The following ELAVL4 variants were observed in gnomAD, a reference collection of about 807,000 sequenced individuals.
The protein encoded by ELAVL4 is ELAV like RNA binding protein 4.
Under a neutral mutation model 35.6 loss-of-function variants are expected in ELAVL4, and 1 was observed. That is an observed-to-expected ratio of 0.03 (90% CI 0.01 to 0.13). The LOEUF (loss-of-function observed/expected upper bound fraction) is 0.13. Among genes scored for constraint, ELAVL4 ranks in the 10% least tolerant of loss-of-function variants. ELAVL4 has a pLI of 1.00. For synonymous variants in ELAVL4, 156 were observed against 171.0 expected (o/e 0.91, Z 0.69); for missense variants, 267 against 464.9 (o/e 0.57, Z 3.91).
At chr1:50,095,570 A>G (rs1665687230) in intron 1 of ELAVL4, among the ~76,000 whole-genome samples, 1 of 152,182 alleles carries the variant, frequency 6.6e-6, no homozygotes, top group Non-Finnish European at 1.5e-5. Context: ...ACACACACAT[A>G]CAGCCACACA....
intron 2 of ELAVL4, among the ~76,000 whole-genome samples, chr1:50,157,995 T>C (rs1445534997): frequency 6.6e-6 from 1 of 152,212 alleles, no homozygotes. Context: ...CAGGATAGTC[T>C]AGTGATTAAG....
intron 3 of ELAVL4, chr1:50,179,841 ACAGC>A: frequency 6.6e-6 from 1 of 152,320 alleles, no homozygotes; most frequent in Non-Finnish European, 1.5e-5. Context: ...TTAATGATTA[ACAGC>A]TGGATTCAGG....
At chr1:50,067,270 A>G (rs1171670433) in intron 1 of ELAVL4, among the ~76,000 whole-genome samples, 1 of 152,204 alleles carries the variant, frequency 6.6e-6, no homozygotes, top group Admixed American at 6.5e-5. Flanking sequence ...CCTTGTCACC[A>G]ATCAAATATG....
At chr1:50,198,613 T>G (rs1644207755) in intron 6 of ELAVL4, among the ~76,000 whole-genome samples, 1 of 152,240 alleles carries the variant, frequency 6.6e-6, no homozygotes, top group Admixed American at 6.5e-5. Context: ...ACTGTTTGCC[T>G]GTTCCCAGGG....
chr1:50,095,952 T>C (rs879635026), intron 1 of ELAVL4, among the ~76,000 whole-genome samples: 7 of 152,152 alleles, frequency 4.6e-5, no homozygotes, highest in Non-Finnish European at 1.0e-4. Context: ...CACTTGAACA[T>C]TTCTAAGAGG....
intron 1 of ELAVL4, among the ~76,000 whole-genome samples, chr1:50,119,034 G>A (rs867373804): frequency 1.4e-3 from 125 of 87,618 alleles, no homozygotes; most frequent in Middle Eastern, 6.0e-3. Context: ...AAGAAAGAAA[G>A]AAAAAGAAAG....
Position 50,145,185 on chromosome 1 carries a change from G to C in ELAVL4, c.238G>C (p.Asp80His). The change falls in exon 2 of 7, where the codon GAC (aspartate) becomes CAC (histidine). Residue 80 changes from aspartate to histidine, a missense_variant. Asp to His is a moderately conservative substitution (Grantham distance 81, BLOSUM62 -1). Around this residue, in one of 2 missense-constraint regions of ELAVL4, gnomAD observed 216 missense variants for 409.5 expected, o/e 0.53. Transcript: ENST00000371824. ...GEIESCKLVR[D>H]KITGQSLGYG... ...AATAGAATCCTGCAAACTTGTGAGA[G>C]ACAAAATTACAGGTATGCACAGGAT... is the stretch of plus-strand genomic sequence containing the variant. 2 of 1,613,956 alleles carry C rather than the reference G, an allele frequency of 1.2e-6. No homozygotes were observed. The highest frequency in any genetic ancestry group is 1.1e-5 in the South Asian group (1 of 91,066).
At chr1:50,145,302 A>C (rs1004156929) in intron 2 of ELAVL4, 105 bp downstream of exon 2, 2 of 1,521,452 alleles carry the variant, frequency 1.3e-6, no homozygotes, top group Non-Finnish European at 1.8e-6. Flanking sequence ...TGTACCCTGC[A>C]TGCAAGATGG....
intron 2 of ELAVL4, among the ~76,000 whole-genome samples, chr1:50,154,140 A>C (rs1027179322): frequency 1.3e-5 from 2 of 152,202 alleles, no homozygotes; most frequent in Non-Finnish European, 2.9e-5. Flanking sequence ...GTGTCAGTGA[A>C]ATATCTGAAG....
Position 50,109,025 on chromosome 1 carries a change from AC to A in ELAVL4, c.-158del, listed in dbSNP as rs1024200554. 5 of 355,420 alleles carry A rather than the reference AC, an allele frequency of 1.4e-5. No individual in the cohort carries two copies. Among genetic ancestry groups the A allele is most frequent in the South Asian group, 1.2e-4 (1 of 8,402 alleles). 22.0% of individuals were successfully genotyped at this position (355,420 alleles called of 1,614,324 possible). ...TTTTTTTTCTTTCTCTCCCCCGCCC[AC>A]CCCCCCAAAAATAATTGATTTGCTT... On this transcript the variant is annotated 5_prime_UTR_variant, in exon 1 of 7. Transcript: ENST00000371824.
At chr1:50,154,784 GTT>G (rs34746656) in intron 2 of ELAVL4, among the ~76,000 whole-genome samples, 1 of 145,590 alleles carries the variant, frequency 6.9e-6, no homozygotes, top group African/African-American at 2.6e-5. Context: ...GTGTGTGTGT[GTT>G]TGTCCTGCTT....
chr1:50,163,523 T>C (rs1370983491), intron 2 of ELAVL4, among the ~76,000 whole-genome samples: 1 of 152,132 alleles, frequency 6.6e-6, no homozygotes, highest in Non-Finnish European at 1.5e-5. Flanking sequence ...TTGGAGTTGG[T>C]ACTAGAAAAC....
At chr1:50,175,058 T>A (rs1424941838) in intron 2 of ELAVL4, among the ~76,000 whole-genome samples, 1 of 152,204 alleles carries the variant, frequency 6.6e-6, no homozygotes, top group African/African-American at 2.4e-5. Context: ...ATAAGGTTTA[T>A]CATTGAGATA....
chr1:50,065,701 T>G (rs1042676932), intron 1 of ELAVL4, among the ~76,000 whole-genome samples: 8 of 152,210 alleles, frequency 5.3e-5, no homozygotes, highest in African/African-American at 1.9e-4. Flanking sequence ...TGAATGTTTA[T>G]TATTGCTCAT....
At chr1:50,137,521 A>C (rs1229025645) in intron 1 of ELAVL4, among the ~76,000 whole-genome samples, 1 of 151,882 alleles carries the variant, frequency 6.6e-6, no homozygotes, top group African/African-American at 2.4e-5. Flanking sequence ...AAAGGGAAGG[A>C]AGGAAGGAAG....
chr1:50,050,236 C>G (rs1371031529), intron 1 of ELAVL4, among the ~76,000 whole-genome samples: 2 of 152,164 alleles, frequency 1.3e-5, no homozygotes, highest in Non-Finnish European at 2.9e-5. Context: ...TCAGTAAATA[C>G]TGCTATTATC....
Position 50,159,564 on chromosome 1 carries a change from A to G in ELAVL4, c.250+14367A>G, listed in dbSNP as rs1676399193. 2.0e-5 allele frequency among the ~76,000 whole-genome samples: 3 copies of G among 151,722 alleles called. No individual in the cohort carries two copies. In the South Asian group the frequency reaches 6.3e-4, roughly 32 times the overall value. ...GCGGAGGTTGCAGTGAGCTGAGATC[A>G]CACCACTGCACTCCAGCCTGGGTGA... On this transcript the variant is annotated intron_variant, in intron 2 of 6. Coordinates refer to ENST00000371824, the MANE Select transcript of ELAVL4 (RefSeq NM_001144774.3).
intron 1 of ELAVL4, chr1:50,141,728 T>C (rs1387340825): frequency 1.2e-4 from 19 of 152,244 alleles, no homozygotes; most frequent in Admixed American, 1.2e-3. Flanking sequence ...TGATTTAAGA[T>C]TCTTCTCAGA....
chr1:50,109,388 T>C (rs1666682474), intron 1 of ELAVL4, among the ~76,000 whole-genome samples, 190 bp downstream of exon 1: 1 of 152,026 alleles, frequency 6.6e-6, no homozygotes, highest in South Asian at 2.1e-4. Context: ...GGATATAAGA[T>C]TGTCATTTTT....
Sources: gnomAD v4.1 joint callset for allele counts (sites outside exome capture counted in the v4.1 genomes callset) on GRCh38, gnomAD v4.1.1 for gene constraint, gnomAD v4.1.1 regional missense constraint, MANE v1.5 for transcripts, NCBI Gene and HGNC (gene_info 2026-07-23, HGNC 2026-07-21) for gene names.